Variants in ERC1 observed in about 807,000 individuals in gnomAD.
ERC1 encodes the protein RAB6 interacting protein 2.
In ERC1, 56 loss-of-function variants were observed where a neutral mutation model predicts 132.0. The observed-to-expected ratio is 0.42, with a 90% confidence interval of 0.34 to 0.53. The LOEUF is 0.53. Among genes scored for constraint, ERC1 ranks in the 20% least tolerant of loss-of-function variants. The pLI, the probability that ERC1 is intolerant of heterozygous loss-of-function variation, is 0.03. For missense variants in ERC1, 1,202 were observed against 1,349.9 expected (o/e 0.89, Z 1.72); for synonymous variants, 478 against 476.1 (o/e 1.00, Z -0.05).
At chr12:1,469,887 C>T (rs556691758) in intron 18 of ERC1, among the ~76,000 whole-genome samples, 152 of 141,436 alleles carry the variant, frequency 1.1e-3, no homozygotes, top group Admixed American at 1.8e-3. Context: ...TCCTCAATGC[C>T]AGCCAAGTCA....
chr12:1,149,172 T>C (rs1005661384), intron 8 of ERC1, among the ~76,000 whole-genome samples: 38 of 144,762 alleles, frequency 2.6e-4, no homozygotes, highest in African/African-American at 8.9e-4. Flanking sequence ...AAAATAACTT[T>C]AAAGTAATCT....
Position 1,083,351 on chromosome 12 carries a change from A to G in ERC1, c.857A>G (p.Lys286Arg). 3 of 1,614,178 alleles carry G rather than the reference A, an allele frequency of 1.9e-6. No individual in the cohort carries two copies. The highest frequency in any genetic ancestry group is 2.5e-6 in the Non-Finnish European group (3 of 1,180,028). The change falls in exon 3 of 19, where the codon AAG becomes AGG. Residue 286 changes from lysine (K) to arginine (R), a missense_variant. By Grantham distance (26) the Lys-to-Arg change is conservative. Coordinates refer to ENST00000360905, the MANE Select transcript of ERC1 (RefSeq NM_178040.4). ...RQAKELFLLR[K>R]TLEEMELRIE... The stretch of plus-strand genomic sequence containing the variant: ...GCCAAAGAGCTGTTTCTTCTTCGAA[A>G]GACATTGGAGGAAATGGAGCTGCGT...
At chr12:1,361,047 A>G (rs1795090293) in intron 15 of ERC1, among the ~76,000 whole-genome samples, 1 of 147,384 alleles carries the variant, frequency 6.8e-6, no homozygotes, top group Admixed American at 6.8e-5. Flanking sequence ...GTTGTTGGCT[A>G]TGATCTCACC....
Position 1,213,573 on chromosome 12 carries a change from C to T in ERC1, c.2352-23196C>T, listed in dbSNP as rs189662779. ...CCAACATGGTGAAACCCCATCTCTA[C>T]TAAAAATACAGAAACTGCCTGGTTG... is the stretch of plus-strand genomic sequence containing the variant. On this transcript the variant is annotated intron_variant, in intron 12 of 18. Coordinates refer to ENST00000360905, the MANE Select transcript of ERC1 (RefSeq NM_178040.4). Among the ~76,000 whole-genome samples the T allele has an allele frequency of 2.8e-3, 422 of 151,962 alleles. 1 individual carries two copies. The highest frequency in any genetic ancestry group is 4.1e-3 in the Non-Finnish European group (277 of 67,950).
chr12:1,407,283 A>G (rs1343231831), intron 16 of ERC1, among the ~76,000 whole-genome samples: 2 of 152,100 alleles, frequency 1.3e-5, no homozygotes, highest in East Asian at 3.9e-4. Context: ...CTATTTATAT[A>G]TATATATATG....
chr12:1,435,253 T>C (rs2092917331), intron 17 of ERC1, among the ~76,000 whole-genome samples: 1 of 152,192 alleles, frequency 6.6e-6, no homozygotes, highest in South Asian at 2.1e-4. Flanking sequence ...GCTTCTCAGA[T>C]GTATGAGATT....
At chr12:1,287,111 A>G (rs1165816722) in intron 14 of ERC1, among the ~76,000 whole-genome samples, 1 of 152,210 alleles carries the variant, frequency 6.6e-6, no homozygotes, top group Non-Finnish European at 1.5e-5. Context: ...GTGCAGAAAT[A>G]TCCATGCTTG....
intron 7 of ERC1, among the ~76,000 whole-genome samples, chr12:1,135,579 A>G (rs1170324651): frequency 6.6e-6 from 1 of 152,178 alleles, no homozygotes; most frequent in African/African-American, 2.4e-5. Flanking sequence ...AAGGTTTGAG[A>G]TAAGATCATG....
chr12:1,390,577 A>G (rs1052379099), intron 16 of ERC1: 1 of 152,216 alleles, frequency 6.6e-6, no homozygotes, highest in African/African-American at 2.4e-5. Flanking sequence ...CTGGAAGGAA[A>G]GTCAAAAGTA....
At position 1,200,163 on chromosome 12, in the gene ERC1, G is replaced by A. The variant is rs187980420; in HGVS notation, c.2351+10111G>A. ...AAATTTTTATACAATGAAAATGGAG[G>A]TTTTTATTTTTCATAAATCTTCTAA... On this transcript the variant is annotated intron_variant, in intron 12 of 18. Transcript: ENST00000360905. Among the ~76,000 whole-genome samples, 62 of 152,142 alleles carry A rather than the reference G, an allele frequency of 4.1e-4. 1 individual carries two copies. Among genetic ancestry groups the A allele is most frequent in the African/African-American group, 1.5e-3 (61 of 41,508 alleles).
chr12:1,299,841 A>G (rs765245311), intron 15 of ERC1, among the ~76,000 whole-genome samples: 3 of 152,206 alleles, frequency 2.0e-5, no homozygotes, highest in Non-Finnish European at 2.9e-5. Flanking sequence ...TAAAAAGATA[A>G]GACAATATTT....
chr12:1,116,954 A>G (rs1481969782), intron 7 of ERC1, among the ~76,000 whole-genome samples: 2 of 152,228 alleles, frequency 1.3e-5, no homozygotes, highest in African/African-American at 4.8e-5. Flanking sequence ...CCATCTTCAG[A>G]TAGGTATATG....
chr12:1,480,831 A>G (rs1012472680), intron 18 of ERC1: 15 of 702,344 alleles, frequency 2.1e-5, no homozygotes, highest in East Asian at 1.9e-4. Context: ...ATCTTTCCCA[A>G]CTTATCCACA....
chr12:1,018,420 G>A (rs1244841856), intron 1 of ERC1, among the ~76,000 whole-genome samples: 2 of 152,104 alleles, frequency 1.3e-5, no homozygotes, highest in African/African-American at 2.4e-5. Flanking sequence ...TCGCCATGTT[G>A]GCCAGGCTGG....
intron 7 of ERC1, among the ~76,000 whole-genome samples, chr12:1,127,013 A>AAAAAAAAAAAAAAC (rs1948260141): frequency 6.8e-6 from 1 of 146,796 alleles, no homozygotes; most frequent in African/African-American, 2.6e-5. Flanking sequence ...AAAAAAAAAA[A>AAAAAAAAAAAAAAC]CCTCAAAAAT....
chr12:1,197,118 A>G (rs997700534), intron 12 of ERC1, among the ~76,000 whole-genome samples: 1 of 150,138 alleles, frequency 6.7e-6, no homozygotes, highest in African/African-American at 2.5e-5. Flanking sequence ...GTAGCTGGGA[A>G]TACAGGCATA....
chr12:1,108,543 T>C (rs1945505360), intron 4 of ERC1, among the ~76,000 whole-genome samples: 1 of 152,236 alleles, frequency 6.6e-6, no homozygotes. Context: ...CATATGCTTA[T>C]GCCTAGTATT....
In ERC1 at chr12:1,295,049, G is replaced by A. The variant is rs117912055; in HGVS notation, c.2780+5037G>A. 8.0e-3 allele frequency among the ~76,000 whole-genome samples: 1,217 copies of A among 152,270 alleles called. 6 individuals carry two copies. The highest frequency in any genetic ancestry group is 0.013 in the Non-Finnish European group (884 of 68,012). On this transcript the variant is annotated intron_variant, in intron 15 of 18. Transcript: ENST00000360905. ...ACATTTTGGGCCAGTTTGCTTACCC[G>A]TGAAGCAGGCATAGTAAGACTTAGA... is the stretch of plus-strand genomic sequence containing the variant.
In ERC1 at chr12:1,490,125, C is replaced by G. The variant is rs763692762; in HGVS notation, c.3246C>G (p.Asp1082Glu). 4 of 1,614,138 alleles carry G rather than the reference C, an allele frequency of 2.5e-6. No individual in the cohort carries two copies. Among genetic ancestry groups the G allele is most frequent in the Middle Eastern group, 1.6e-4 (1 of 6,062 alleles). ...LQDELEKGERDNAELQEFANA... is the reference protein window; with the variant it reads ...LQDELEKGERENAELQEFANA... ...ATGAGTTAGAGAAAGGTGAACGGGA[C>G]AATGCAGAACTGCAGGAGTTTGCCA... Residue 1082 changes from aspartate (D) to glutamate (E), a missense_variant, in exon 19 of 19, where the codon GAC becomes GAG. Asp to Glu is a conservative substitution (Grantham distance 45). Coordinates refer to ENST00000360905, the MANE Select transcript of ERC1 (RefSeq NM_178040.4).
Sources: gnomAD v4.1 joint callset for allele counts (sites outside exome capture counted in the v4.1 genomes callset) on GRCh38, gnomAD v4.1.1 for gene constraint, MANE v1.5 for transcripts, NCBI Gene and HGNC (gene_info 2026-07-23, HGNC 2026-07-21) for gene names.